The following WNT8B variants were observed in gnomAD, a reference collection of about 807,000 sequenced individuals.
The protein encoded by WNT8B is Wnt family member 8B.
WNT8B carries 24 observed loss-of-function variants against 36.6 expected under a neutral mutation model. The ratio of observed to expected loss-of-function variants is 0.66; its 90% CI spans 0.48 to 0.92. The LOEUF (loss-of-function observed/expected upper bound fraction) is 0.92, where lower values mean the gene tolerates loss of function less well. Among genes scored for constraint, WNT8B ranks in the 40% least tolerant of loss-of-function variants. The probability of loss-of-function intolerance (pLI) is 0.00; values close to 1 mark genes in which losing one functional copy is unlikely to be tolerated. For missense variants in WNT8B, 402 were observed against 470.8 expected (o/e 0.85, Z 1.35); for synonymous variants, 199 against 189.8 (o/e 1.05, Z -0.40).
intron 3 of WNT8B, 136 bp from the exon 4 acceptor site, chr10:100,480,862 T>A: frequency 9.3e-7 from 1 of 1,077,856 alleles, no homozygotes; most frequent in East Asian, 2.6e-5. Flanking sequence ...AGTTAAAAAA[T>A]AATAATAAAG....
intron 1 of WNT8B, among the ~76,000 whole-genome samples, chr10:100,473,646 G>T (rs1236692313): frequency 6.6e-6 from 1 of 152,284 alleles, no homozygotes; most frequent in East Asian, 1.9e-4. Flanking sequence ...TCTATTATGG[G>T]TTGGACATGG....
At chr10:100,472,914 C>T (rs998980454) in intron 1 of WNT8B, among the ~76,000 whole-genome samples, 3 of 152,236 alleles carry the variant, frequency 2.0e-5, no homozygotes, top group Non-Finnish European at 4.4e-5. Context: ...CAGTCATCTG[C>T]TCACTACACT....
At chr10:100,466,037 A>G (rs996753717) in intron 1 of WNT8B, among the ~76,000 whole-genome samples, 4 of 152,156 alleles carry the variant, frequency 2.6e-5, no homozygotes, top group Admixed American at 6.5e-5. Flanking sequence ...GGGTTCTGTC[A>G]TAAGTTTTTG....
chr10:100,467,180 C>T (rs1043292341), intron 1 of WNT8B, among the ~76,000 whole-genome samples: 1 of 152,118 alleles, frequency 6.6e-6, no homozygotes, highest in Non-Finnish European at 1.5e-5. Context: ...TTGTTTTTCT[C>T]AATCTTTATT....
intron 1 of WNT8B, among the ~76,000 whole-genome samples, chr10:100,472,103 A>T (rs1456543630): frequency 6.7e-6 from 1 of 149,616 alleles, no homozygotes; most frequent in Non-Finnish European, 1.5e-5. Context: ...CTGAGGTGGG[A>T]AGATTTCTTT....
intron 1 of WNT8B, among the ~76,000 whole-genome samples, chr10:100,473,080 T>G (rs2133653696): frequency 6.6e-6 from 1 of 152,324 alleles, no homozygotes; most frequent in South Asian, 2.1e-4. Context: ...AGGCACTTAC[T>G]ATGTTCAAAG....
In WNT8B at chr10:100,482,449, G is replaced by A. The variant is rs752469964; in HGVS notation, c.689G>A (p.Gly230Asp). ...LLQGAGNSAA[G>D]RGAIADTFRS... ...CAGGGTGCTGGCAACAGCGCGGCCG[G>A]CCGCGGCGCCATCGCCGACACCTTT... The change falls in exon 6 of 6, where the codon GGC becomes GAC. Residue 230 changes from glycine (G) to aspartate (D), a missense_variant. Around this residue, in one of 3 missense-constraint regions of WNT8B, gnomAD observed 256 missense variants for 278.6 expected, o/e 0.92. Coordinates refer to ENST00000343737, the MANE Select transcript of WNT8B (RefSeq NM_003393.4). The surrounding 1 kb of genome is among the most constrained non-coding windows in gnomAD (Gnocchi z 6.6). 1 of 1,605,076 alleles carries A rather than the reference G, an allele frequency of 6.2e-7. No homozygotes were observed. The highest frequency in any genetic ancestry group is 8.5e-7 in the Non-Finnish European group (1 of 1,179,838).
intron 1 of WNT8B, among the ~76,000 whole-genome samples, chr10:100,470,008 A>C (rs1850956429): frequency 6.6e-6 from 1 of 152,156 alleles, no homozygotes; most frequent in Admixed American, 6.5e-5. Flanking sequence ...TCTGTGCTAA[A>C]TCTTCAGATG....
chr10:100,463,211 T>C lies in WNT8B; in HGVS notation c.43T>C (p.Cys15Arg). 6.2e-7 allele frequency: 1 copy of C among 1,613,994 alleles called. No homozygotes were observed. The highest frequency in any genetic ancestry group is 1.3e-5 in the African/African-American group (1 of 75,042). ...TTCTGTGTACATCTGTCTTTTCACC[T>C]GTGTCCTCCAACTCAGCCACAGCTG... Reference protein sequence around the residue: ...KPSVYICLFTCVLQLSHSWSV... With the variant: ...KPSVYICLFTRVLQLSHSWSV... The change falls in exon 1 of 6, where the codon TGT becomes CGT. Residue 15 changes from cysteine to arginine, a missense_variant. Physicochemically the swap from Cys to Arg is radical, Grantham distance 180. Around this residue, in one of 3 missense-constraint regions of WNT8B, gnomAD observed 131 missense variants for 152.6 expected, o/e 0.86. Transcript: ENST00000343737.
Position 100,483,073 on chromosome 10 carries a change from G to T in WNT8B, c.*257G>T. On this transcript the variant is annotated 3_prime_UTR_variant, in exon 6 of 6. Transcript: ENST00000343737. ...AGGCTTTGAGTTACTGATCTTCCTT[G>T]GATTAGGAGAACAGGTGTTCCTCCT... 2.3e-6 allele frequency: 1 copy of T among 438,418 alleles called. No individual in the cohort carries two copies. 27.2% of individuals were successfully genotyped at this position (438,418 alleles called of 1,614,324 possible). A position where few individuals can be genotyped will look rare whatever the true frequency, so the allele number is the denominator to read the frequency against.
chr10:100,464,602 G>C (rs990995023), intron 1 of WNT8B, among the ~76,000 whole-genome samples: 1 of 152,080 alleles, frequency 6.6e-6, no homozygotes, highest in South Asian at 2.1e-4. Context: ...ATTTCATTCC[G>C]ATACTGACAC....
At chr10:100,472,753 C>T (rs982655632) in intron 1 of WNT8B, among the ~76,000 whole-genome samples, 1 of 152,158 alleles carries the variant, frequency 6.6e-6, no homozygotes. Context: ...CCACTTATGC[C>T]TAATTACTAT....
In WNT8B at chr10:100,482,300, C is replaced by A; in HGVS notation, c.540C>A (p.Cys180Ter). The change falls in exon 6 of 6, where the codon TGC (cysteine) becomes TGA (stop). Residue 180 changes from cysteine to a stop codon, truncating the protein, a stop_gained. Coordinates refer to ENST00000343737, the MANE Select transcript of WNT8B (RefSeq NM_003393.4). LOFTEE classifies it high-confidence loss of function. The surrounding 1 kb of genome is among the most constrained non-coding windows in gnomAD (Gnocchi z 6.6). ...KAVKGTMKRT[C>*]KCHGVSGSCT... ...TGAAGGGCACCATGAAACGCACGTG[C>A]AAGTGCCACGGCGTGTCTGGCAGCT... 5 of 1,594,108 alleles carry A rather than the reference C, an allele frequency of 3.1e-6. No homozygotes were observed. The highest frequency in any genetic ancestry group is 4.3e-6 in the Non-Finnish European group (5 of 1,174,848).
At chr10:100,474,576 T>A (rs566845786) in intron 1 of WNT8B, among the ~76,000 whole-genome samples, 1 of 152,280 alleles carries the variant, frequency 6.6e-6, no homozygotes, top group East Asian at 1.9e-4. Context: ...AGTCTTCTTT[T>A]TTTTTTGAGA....
rs1376871844 is a variant in WNT8B, at chr10:100,481,973, C to T, written c.429C>T (p.Ser143=). 1 of 1,614,114 alleles carries T rather than the reference C, an allele frequency of 6.2e-7. No individual in the cohort carries two copies. Among genetic ancestry groups the T allele is most frequent in the African/African-American group, 1.3e-5 (1 of 75,020 alleles). The change falls in exon 5 of 6, where the codon TCC becomes TCT. Residue 143 remains serine (S), a synonymous_variant. Transcript: ENST00000343737. Reference sequence around the variant, plus strand: ...ATGTGGGCTTCGGAGAGGCGATTTCCAAGCAGTTTGTCGATGCCCTGGAAA... The same window carrying T: ...ATGTGGGCTTCGGAGAGGCGATTTCTAAGCAGTTTGTCGATGCCCTGGAAA... The part of the protein sequence containing the change: ...SDNVGFGEAI[S]KQFVDALETG...
chr10:100,480,694 C>G (rs9420785), intron 3 of WNT8B, among the ~76,000 whole-genome samples: 36,987 of 151,882 alleles, frequency 0.24, 4,730 homozygotes, highest in African/African-American at 0.31. Flanking sequence ...GCAGACCATG[C>G]AAGAGGGTAA....
intron 2 of WNT8B, among the ~76,000 whole-genome samples, chr10:100,479,534 C>T (rs1851083226): frequency 6.6e-6 from 1 of 152,018 alleles, no homozygotes; most frequent in Non-Finnish European, 1.5e-5. Context: ...GTGATTTGGG[C>T]TCATTTTGGA....
chr10:100,480,946 T>G, intron 3 of WNT8B, 52 bp from the exon 4 acceptor site: 1 of 1,595,604 alleles, frequency 6.3e-7, no homozygotes, highest in Non-Finnish European at 8.6e-7. Flanking sequence ...TGTCTGGTAT[T>G]TCTTTAAGCT....
chr10:100,475,399 T>G (rs1358305079), intron 1 of WNT8B, among the ~76,000 whole-genome samples: 3 of 152,116 alleles, frequency 2.0e-5, no homozygotes, highest in Non-Finnish European at 4.4e-5. Context: ...CACAAGTCAC[T>G]TTATAGGAAT....
Sources: allele counts gnomAD v4.1 joint callset (sites outside exome capture counted in the v4.1 genomes callset), GRCh38; gene constraint gnomAD v4.1.1; regional missense constraint gnomAD v4.1.1; non-coding constraint Gnocchi (gnomAD v3.1); transcripts MANE v1.5; gene names NCBI Gene and HGNC (gene_info 2026-07-23, HGNC 2026-07-21).